PGM5: variants seen among roughly 807,000 people sequenced by gnomAD.
PGM5 encodes the protein phosphoglucomutase 5.
A neutral mutation model predicts 59.2 loss-of-function variants in PGM5; 23 were observed. The observed-to-expected ratio is 0.39, with a 90% CI of 0.28 to 0.55. PGM5 has a LOEUF of 0.55. Ranked by LOEUF, PGM5 falls within the 20% of genes least tolerant of loss-of-function variation. PGM5 has a pLI of 0.66. For synonymous variants in PGM5, 214 were observed against 286.0 expected (o/e 0.75, Z 2.54); for missense variants, 574 against 748.3 (o/e 0.77, Z 2.72).
intron 4 of PGM5, among the ~76,000 whole-genome samples, chr9:68,388,656 T>A (rs1554679135): frequency 1.3e-5 from 2 of 152,108 alleles, no homozygotes; most frequent in African/African-American, 4.8e-5. Context: ...AGGCCTTTTA[T>A]TCTACACTTG....
chr9:68,416,935 T>C (rs1823042145), intron 6 of PGM5, among the ~76,000 whole-genome samples: 1 of 152,242 alleles, frequency 6.6e-6, no homozygotes, highest in African/African-American at 2.4e-5. Flanking sequence ...GAAAATTTTA[T>C]CTCAAAAATG....
At chr9:68,392,547 C>T (rs181897661) in intron 6 of PGM5, 74 bp downstream of exon 6, 31 of 1,572,646 alleles carry the variant, frequency 2.0e-5, no homozygotes, top group Admixed American at 7.0e-5. Flanking sequence ...TGGTTGCTGG[C>T]GCTTATTCTC....
At chr9:68,385,583 C>CTT (rs1472982497) in intron 3 of PGM5, among the ~76,000 whole-genome samples, 14 of 151,994 alleles carry the variant, frequency 9.2e-5, no homozygotes, top group South Asian at 6.2e-4. Flanking sequence ...ACAGTGCCTG[C>CTT]TTTTGCTAAT....
intron 6 of PGM5, among the ~76,000 whole-genome samples, chr9:68,425,474 A>G (rs1328979441): frequency 6.6e-6 from 1 of 152,138 alleles, no homozygotes; most frequent in Non-Finnish European, 1.5e-5. Context: ...ATTGACTTGA[A>G]ATTTCATAAA....
chr9:68,382,097 C>T (rs1441759337), intron 2 of PGM5, among the ~76,000 whole-genome samples: 1 of 151,648 alleles, frequency 6.6e-6, no homozygotes, highest in Admixed American at 6.6e-5. Flanking sequence ...TTGGAGGTAC[C>T]ACACTTGCTG....
Position 68,463,299 on chromosome 9 carries a change from C to A in PGM5, c.1044-1794C>A, listed in dbSNP as rs1370631865. ...CTTCTTTCTCAAGACCCTCATTGAT[C>A]CCACTCTACGGTCATCCCCTGCACT... On this transcript the variant is annotated intron_variant, in intron 6 of 10. Coordinates refer to ENST00000396396, the MANE Select transcript of PGM5 (RefSeq NM_021965.4). 2.6e-5 allele frequency among the ~76,000 whole-genome samples: 4 copies of A among 151,972 alleles called. No homozygotes were observed. The East Asian group carries it at 7.7e-4, about 29-fold the overall frequency.
intron 7 of PGM5, among the ~76,000 whole-genome samples, chr9:68,475,954 G>A (rs1443459137): frequency 3.3e-5 from 5 of 152,174 alleles, no homozygotes; most frequent in Non-Finnish European, 5.9e-5. Context: ...CTGGGAGGTC[G>A]CGGCTGCAGT....
At chr9:68,431,236 C>T (rs1823341983) in intron 6 of PGM5, among the ~76,000 whole-genome samples, 1 of 152,200 alleles carries the variant, frequency 6.6e-6, no homozygotes, top group Non-Finnish European at 1.5e-5. Context: ...CCACTGCCGC[C>T]TTCCCACTAC....
chr9:68,478,127 G>C (rs923356482), intron 7 of PGM5, among the ~76,000 whole-genome samples: 7 of 152,140 alleles, frequency 4.6e-5, no homozygotes, highest in African/African-American at 1.7e-4. Flanking sequence ...TACATACAGG[G>C]CTTTATTCAC....
intron 6 of PGM5, among the ~76,000 whole-genome samples, chr9:68,422,490 C>T (rs1356393798): frequency 1.3e-5 from 2 of 151,736 alleles, no homozygotes; most frequent in African/African-American, 4.8e-5. Context: ...AGGGGTTTCA[C>T]TATGTTGCCC....
intron 10 of PGM5, among the ~76,000 whole-genome samples, chr9:68,516,045 T>C (rs78002186): frequency 1.3e-5 from 2 of 152,250 alleles, no homozygotes; most frequent in Non-Finnish European, 2.9e-5. Context: ...TAGGTAGTCA[T>C]GCTATCCATC....
intron 7 of PGM5, among the ~76,000 whole-genome samples, chr9:68,479,094 G>A (rs782751798): frequency 2.4e-4 from 37 of 152,132 alleles, no homozygotes; most frequent in Admixed American, 3.9e-4. Context: ...ACCCCAAGAC[G>A]TAGAACAATG....
At position 68,499,361 on chromosome 9, in the gene PGM5, G is replaced by T. The variant is rs782803524; in HGVS notation, c.1614G>T (p.Gln538His). Residue 538 changes from glutamine to histidine, a missense_variant and splice_region_variant, in exon 10 of 11, where the codon CAG becomes CAT. Physicochemically the swap from Gln to His is conservative, Grantham distance 24 (BLOSUM62 0). This residue lies in a region of PGM5 where 300 missense variants were observed against 280.0 expected (regional missense o/e 1.07). Transcript: ENST00000396396. ...RDPSGHDQEPQAVLSPLIAIA... is the reference protein window; with the variant it reads ...RDPSGHDQEPHAVLSPLIAIA... ...CCAGCGGCCATGACCAGGAGCCACAGGTACAGAAACAGCTGTGCTCCCAGC... is the reference window on the plus strand; with the variant it reads ...CCAGCGGCCATGACCAGGAGCCACATGTACAGAAACAGCTGTGCTCCCAGC... The T allele has an allele frequency of 1.9e-6, 3 of 1,613,954 alleles. No homozygotes were observed. The South Asian group carries it at 3.3e-5, about 18-fold the overall frequency.
chr9:68,385,434 G>A (rs1563988295), intron 3 of PGM5, among the ~76,000 whole-genome samples: 1 of 152,122 alleles, frequency 6.6e-6, no homozygotes, highest in Non-Finnish European at 1.5e-5. Context: ...TAGGGATAGA[G>A]AAAAGATTAA....
chr9:68,408,612 C>A (rs565803607), intron 6 of PGM5, among the ~76,000 whole-genome samples: 1 of 152,160 alleles, frequency 6.6e-6, no homozygotes, highest in East Asian at 1.9e-4. Context: ...GCTTTTCTTG[C>A]CATTGCTTTT....
At chr9:68,383,232 G>A (rs554438782) in intron 2 of PGM5, among the ~76,000 whole-genome samples, 416 of 151,986 alleles carry the variant, frequency 2.7e-3, no homozygotes, top group Non-Finnish European at 4.9e-3. Flanking sequence ...CTAAGGCAGC[G>A]TTGTCCAACA....
At chr9:68,417,338 ATG>A (rs1823050912) in intron 6 of PGM5, among the ~76,000 whole-genome samples, 1 of 152,170 alleles carries the variant, frequency 6.6e-6, no homozygotes, top group African/African-American at 2.4e-5. Flanking sequence ...TGAGAAGCAT[ATG>A]TGATTAGCCC....
intron 6 of PGM5, chr9:68,394,062 A>C (rs1822436764): frequency 6.6e-6 from 1 of 152,118 alleles, no homozygotes; most frequent in Non-Finnish European, 1.5e-5. Flanking sequence ...ACAGGTAAAC[A>C]TATATGTGGC....
At chr9:68,528,320 C>T (rs1825021900) in intron 10 of PGM5, among the ~76,000 whole-genome samples, 1 of 152,186 alleles carries the variant, frequency 6.6e-6, no homozygotes, top group Admixed American at 6.5e-5. Flanking sequence ...TCATAGTTCA[C>T]TGTAACCTTG....
Sources: gnomAD v4.1 joint callset for allele counts (sites outside exome capture counted in the v4.1 genomes callset) on GRCh38, gnomAD v4.1.1 for gene constraint, gnomAD v4.1.1 regional missense constraint, MANE v1.5 for transcripts, NCBI Gene and HGNC (gene_info 2026-07-23, HGNC 2026-07-21) for gene names.